Variants in IQSEC3 observed in about 807,000 individuals in gnomAD.
The protein encoded by IQSEC3 is IQ motif and SEC7 domain-containing protein 3.
Under a neutral mutation model 105.4 loss-of-function variants are expected in IQSEC3, and 50 were observed. That is an observed-to-expected ratio of 0.47 (90% CI 0.38 to 0.60). The LOEUF is 0.60. Ranked by LOEUF, IQSEC3 falls within the 20% of genes least tolerant of loss-of-function variation. IQSEC3 has a pLI of 0.00. For synonymous variants in IQSEC3, 708 were observed against 746.0 expected (o/e 0.95, Z 0.83); for missense variants, 1,415 against 1,630.0 (o/e 0.87, Z 2.27).
chr12:132,594 G>A (rs1314623522), intron 3 of IQSEC3, among the ~76,000 whole-genome samples: 1 of 152,104 alleles, frequency 6.6e-6, no homozygotes, highest in Admixed American at 6.5e-5. Context: ...ATTGCAAAAG[G>A]TATAGGGGTG....
chr12:172,789 T>A (rs1939075633), intron 13 of IQSEC3, among the ~76,000 whole-genome samples: 1 of 152,204 alleles, frequency 6.6e-6, no homozygotes, highest in South Asian at 2.1e-4. Context: ...AGAGGACATT[T>A]TGCTGTCACT....
intron 1 of IQSEC3, among the ~76,000 whole-genome samples, chr12:79,826 C>T (rs1408097283): frequency 6.6e-6 from 1 of 152,212 alleles, no homozygotes; most frequent in Non-Finnish European, 1.5e-5. Flanking sequence ...CGCCCCCACA[C>T]CTTCCAGCAA....
At position 157,848 on chromosome 12, in the gene IQSEC3, G is replaced by C. The variant is rs538688044; in HGVS notation, c.2443+154G>C. Among the ~76,000 whole-genome samples, 71 of 152,372 alleles carry C rather than the reference G, an allele frequency of 4.7e-4. No individual in the cohort carries two copies. In the East Asian group the frequency reaches 0.012, roughly 25 times the overall value. On this transcript the variant is annotated intron_variant, in intron 7 of 13. Transcript: ENST00000538872. The stretch of plus-strand genomic sequence containing the variant: ...AGCAAGCTGGGAACATTCCTTGTGA[G>C]CCAGGCGGCTGGGGAGTTTCCGGCA...
chr12:132,014 G>A (rs1331063835), intron 3 of IQSEC3, among the ~76,000 whole-genome samples: 1 of 152,202 alleles, frequency 6.6e-6, no homozygotes, highest in Non-Finnish European at 1.5e-5. Flanking sequence ...GAGGGAAAGG[G>A]AGGGAAGGAT....
intron 5 of IQSEC3, chr12:148,062 A>C (rs1262127676): frequency 6.6e-6 from 1 of 151,800 alleles, no homozygotes; most frequent in East Asian, 1.9e-4. Flanking sequence ...CACTCATAAC[A>C]CCCCTGCCCA....
intron 11 of IQSEC3, chr12:166,227 G>T: frequency 3.3e-6 from 1 of 307,264 alleles, no homozygotes. Context: ...GCTCTGGTGC[G>T]TTCCTTCCCA....
chr12:92,625 C>A (rs1485845836), intron 1 of IQSEC3, among the ~76,000 whole-genome samples: 1 of 152,228 alleles, frequency 6.6e-6, no homozygotes, highest in East Asian at 1.9e-4. Flanking sequence ...AGCCGAGATC[C>A]GGGTCCCGGG....
chr12:91,175 C>T (rs1555073290), intron 1 of IQSEC3, among the ~76,000 whole-genome samples: 2 of 152,198 alleles, frequency 1.3e-5, no homozygotes, highest in African/African-American at 4.8e-5. Flanking sequence ...CTCCTTTATT[C>T]TCCTGCTGGG....
At position 99,052 on chromosome 12, in the gene IQSEC3, C is replaced by A. The variant is rs553580853; in HGVS notation, c.555-94C>A. ...GGGCTCAAAAGGGCGGGGGTAGGAG[C>A]AGCAAGATTTCAGGGCAGAAATGCT... On this transcript the variant is annotated intron_variant, in intron 1 of 13. Coordinates refer to ENST00000538872, the MANE Select transcript of IQSEC3 (RefSeq NM_001170738.2). 1.3e-5 allele frequency: 15 copies of A among 1,155,384 alleles called. No individual in the cohort carries two copies. The African/African-American group carries it at 2.0e-4, about 15-fold the overall frequency. 71.6% of individuals were successfully genotyped at this position (1,155,384 alleles called of 1,614,324 possible).
At chr12:171,479 A>C in intron 13 of IQSEC3, 1 of 634,744 alleles carries the variant, frequency 1.6e-6, no homozygotes, top group East Asian at 2.7e-5. Flanking sequence ...CCCCAAATCC[A>C]CCTCCCCAGC....
chr12:69,653 T>G (rs1429385645), intron 1 of IQSEC3, among the ~76,000 whole-genome samples: 1 of 152,276 alleles, frequency 6.6e-6, no homozygotes, highest in Non-Finnish European at 1.5e-5. Context: ...CTGCCTCCCC[T>G]CATCCCTGCA....
chr12:70,582 C>T (rs1167683724), intron 1 of IQSEC3, among the ~76,000 whole-genome samples: 1 of 152,280 alleles, frequency 6.6e-6, no homozygotes, highest in Non-Finnish European at 1.5e-5. Flanking sequence ...ACGGCATCTA[C>T]AGAATTTATT....
rs11062722 is a variant in IQSEC3 at position 71,845 on chromosome 12, G to C, written c.554+4409G>C. 7.2e-5 allele frequency among the ~76,000 whole-genome samples: 11 copies of C among 152,224 alleles called. No individual in the cohort carries two copies. In the East Asian group the frequency reaches 7.7e-4, roughly 11 times the overall value. ...TTGTTCTTCCCCTATCCCCAGCAGGGAGAGAGTTTCTAGTCTAAGAAATGG... is the reference window on the plus strand; with the variant it reads ...TTGTTCTTCCCCTATCCCCAGCAGGCAGAGAGTTTCTAGTCTAAGAAATGG... On this transcript the variant is annotated intron_variant, in intron 1 of 13. Transcript: ENST00000538872.
At chr12:136,206 C>T (rs1166444913) in intron 3 of IQSEC3, among the ~76,000 whole-genome samples, 1 of 152,146 alleles carries the variant, frequency 6.6e-6, no homozygotes, top group Non-Finnish European at 1.5e-5. Flanking sequence ...TTCCAACGAT[C>T]TCCAAGGGTA....
intron 5 of IQSEC3, among the ~76,000 whole-genome samples, chr12:144,812 C>T (rs1866194064): frequency 6.6e-6 from 1 of 152,272 alleles, no homozygotes; most frequent in Non-Finnish European, 1.5e-5. Flanking sequence ...GAGCCACACC[C>T]ATTCCAGTGT....
At chr12:124,185 G>A (rs1303315996) in intron 2 of IQSEC3, among the ~76,000 whole-genome samples, 3 of 151,972 alleles carry the variant, frequency 2.0e-5, no homozygotes, top group African/African-American at 4.8e-5. Flanking sequence ...TCAGGAGTTC[G>A]AGACCAGCCT....
intron 2 of IQSEC3, among the ~76,000 whole-genome samples, chr12:109,990 A>G (rs1450274486): frequency 6.6e-6 from 1 of 152,180 alleles, no homozygotes; most frequent in Non-Finnish European, 1.5e-5. Flanking sequence ...CTGTCGAAAC[A>G]ACAAAGATTC....
At chr12:166,369 T>A (rs1591753601) in intron 11 of IQSEC3, 1 of 159,908 alleles carries the variant, frequency 6.3e-6, no homozygotes, top group South Asian at 1.9e-4. Context: ...ATTGTCCTTT[T>A]GAAGAGTCTA....
chr12:156,797 G>A (rs1866702569), intron 5 of IQSEC3, among the ~76,000 whole-genome samples: 1 of 152,210 alleles, frequency 6.6e-6, no homozygotes, highest in Non-Finnish European at 1.5e-5. Flanking sequence ...CCACCCCTGT[G>A]TCCTGGGCCA....
Sources: allele counts gnomAD v4.1 joint callset (sites outside exome capture counted in the v4.1 genomes callset), GRCh38; gene constraint gnomAD v4.1.1; transcripts MANE v1.5; gene names NCBI Gene and HGNC (gene_info 2026-07-23, HGNC 2026-07-21).